ARMC8: variants seen among roughly 807,000 people sequenced by gnomAD.
ARMC8 encodes the protein armadillo repeat-containing protein 8.
A neutral mutation model predicts 99.3 loss-of-function variants in ARMC8; 20 were observed. That is an observed-to-expected ratio of 0.20 (90% CI 0.14 to 0.29). The LOEUF is 0.29. Ranked by LOEUF, ARMC8 falls within the 10% of genes least tolerant of loss-of-function variation. The pLI is 1.00. For synonymous variants in ARMC8, 263 were observed against 278.3 expected (o/e 0.95, Z 0.55); for missense variants, 569 against 809.5 (o/e 0.70, Z 3.60).
intron 21 of ARMC8, among the ~76,000 whole-genome samples, chr3:138,293,947 A>G (rs2051230251): frequency 6.6e-6 from 1 of 152,162 alleles, no homozygotes; most frequent in Non-Finnish European, 1.5e-5. Context: ...TAATAGAATC[A>G]AGGTCTGAGC....
At chr3:138,270,760 T>A (rs1050167353) in intron 16 of ARMC8, among the ~76,000 whole-genome samples, 1 of 152,186 alleles carries the variant, frequency 6.6e-6, no homozygotes, top group Non-Finnish European at 1.5e-5. Flanking sequence ...TTTTTAACAG[T>A]TTCTAGTAAA....
intron 2 of ARMC8, among the ~76,000 whole-genome samples, chr3:138,214,900 C>T (rs879716302): frequency 6.6e-6 from 1 of 152,162 alleles, no homozygotes; most frequent in Non-Finnish European, 1.5e-5. Flanking sequence ...CTCAAGTGAT[C>T]CTCCCACCTT....
chr3:138,279,493 TTGA>T (rs2049656456), intron 18 of ARMC8, among the ~76,000 whole-genome samples: 2 of 152,192 alleles, frequency 1.3e-5, no homozygotes. Context: ...ATGAGGGGTA[TTGA>T]TGAATAGTTT....
In ARMC8 at chr3:138,187,358, G is replaced by C; in HGVS notation, c.-197G>C. 1 of 558,858 alleles carries C rather than the reference G, an allele frequency of 1.8e-6. No homozygotes were observed. Among genetic ancestry groups the C allele is most frequent in the Middle Eastern group, 3.7e-4 (1 of 2,738 alleles). The allele number at this position is 558,858 out of a possible 1,614,324, so 34.6% of individuals were successfully genotyped here. ...GCTGTTTCTGAGAGAACGATTCGTA[G>C]GACAGCCCCTGACGCCATTCCCTTT... On this transcript the variant is annotated 5_prime_UTR_variant, in exon 1 of 22. Transcript: ENST00000469044.
At chr3:138,270,278 C>T (rs772650274) in intron 16 of ARMC8, 146 bp downstream of exon 16, 13 of 610,106 alleles carry the variant, frequency 2.1e-5, no homozygotes, top group Non-Finnish European at 3.6e-5. Context: ...ATGACTAGGA[C>T]CTAGAAGGCT....
At chr3:138,287,283 CCTT>C (rs780648549) in intron 19 of ARMC8, among the ~76,000 whole-genome samples, 1 of 152,178 alleles carries the variant, frequency 6.6e-6, no homozygotes, top group South Asian at 2.1e-4. Flanking sequence ...ACAGACAGCT[CCTT>C]CTTACTTCAG....
At position 138,221,990 on chromosome 3, in the gene ARMC8, G is replaced by T; in HGVS notation, c.187G>T (p.Val63Phe). 1 of 1,612,824 alleles carries T rather than the reference G, an allele frequency of 6.2e-7. No homozygotes were observed. The highest frequency in any genetic ancestry group is 8.5e-7 in the Non-Finnish European group (1 of 1,179,056). Reference sequence around the variant, plus strand: ...AGCCAATCTCATTGTTTTAGGAGCTGTTCCAAGGTATGTTTGCTGTCTCAC... The same window carrying T: ...AGCCAATCTCATTGTTTTAGGAGCTTTTCCAAGGTATGTTTGCTGTCTCAC... ...QKANLIVLGA[V>F]PRLLYLLQQE... The change falls in exon 3 of 22, where the codon GTT becomes TTT. Residue 63 changes from valine (V) to phenylalanine (F), a missense_variant. Coordinates refer to ENST00000469044, the MANE Select transcript of ARMC8 (RefSeq NM_001363941.2).
intron 5 of ARMC8, among the ~76,000 whole-genome samples, chr3:138,224,049 T>C (rs9822008): frequency 0.64 from 96,273 of 150,156 alleles, 31,292 homozygotes; most frequent in East Asian, 0.81. Context: ...ACCTTCACCC[T>C]GCCAGGTTTA....
In ARMC8 at chr3:138,239,499, C is replaced by T. The variant is rs1426021184; in HGVS notation, c.808C>T (p.Arg270Trp). 7.5e-6 allele frequency: 12 copies of T among 1,601,476 alleles called. No individual in the cohort carries two copies. Among genetic ancestry groups the T allele is most frequent in the East Asian group, 4.5e-5 (2 of 44,296 alleles). The change falls in exon 10 of 22, where the codon CGG (arginine) becomes TGG (tryptophan). Residue 270 changes from arginine (R) to tryptophan (W), a missense_variant. By Grantham distance (101) the Arg-to-Trp change is moderately radical. Transcript: ENST00000469044. ...LTYMCRAGAI[R>W]TDDNCIVLKT... ...TTACATGTGTAGAGCTGGAGCAATT[C>T]GGACAGATGATAACTGTATTGTATT... is the stretch of plus-strand genomic sequence containing the variant.
intron 6 of ARMC8, among the ~76,000 whole-genome samples, chr3:138,230,088 G>T (rs933292282): frequency 6.6e-6 from 1 of 152,156 alleles, no homozygotes; most frequent in Non-Finnish European, 1.5e-5. Flanking sequence ...TACTATTTAA[G>T]ATTTTTGTGA....
At chr3:138,199,949 T>C (rs1387811405) in intron 1 of ARMC8, among the ~76,000 whole-genome samples, 1 of 152,196 alleles carries the variant, frequency 6.6e-6, no homozygotes, top group Non-Finnish European at 1.5e-5. Flanking sequence ...TGGTTTCACA[T>C]TGTTTTAGGG....
chr3:138,253,457 A>G (rs1043544085), intron 12 of ARMC8, among the ~76,000 whole-genome samples: 2 of 152,188 alleles, frequency 1.3e-5, no homozygotes, highest in Non-Finnish European at 2.9e-5. Context: ...CTATGTTTTT[A>G]ACTATTACAT....
chr3:138,288,849 C>A (rs970050640), intron 19 of ARMC8, among the ~76,000 whole-genome samples, 199 bp from the exon 20 acceptor site: 2 of 151,892 alleles, frequency 1.3e-5, no homozygotes, highest in African/African-American at 4.8e-5. Flanking sequence ...TGTTAATCAT[C>A]CTAGTCTCGA....
chr3:138,201,015 C>T (rs575230859), intron 1 of ARMC8, among the ~76,000 whole-genome samples: 12 of 142,730 alleles, frequency 8.4e-5, no homozygotes, highest in African/African-American at 2.9e-4. Context: ...TGGGTTCAAA[C>T]GATTCTCCTG....
intron 15 of ARMC8, among the ~76,000 whole-genome samples, chr3:138,268,023 A>G (rs2048437407): frequency 6.6e-6 from 1 of 152,170 alleles, no homozygotes; most frequent in African/African-American, 2.4e-5. Flanking sequence ...CAGGCAGAAC[A>G]CTTGAGGTCA....
chr3:138,205,258 C>G (rs975428001), intron 1 of ARMC8, among the ~76,000 whole-genome samples: 1 of 151,194 alleles, frequency 6.6e-6, no homozygotes, highest in African/African-American at 2.4e-5. Context: ...ACCATCTTGG[C>G]CAGGCTGGTC....
intron 5 of ARMC8, among the ~76,000 whole-genome samples, chr3:138,227,681 CTTT>C (rs1299795680): frequency 2.0e-5 from 3 of 152,094 alleles, no homozygotes; most frequent in Non-Finnish European, 1.5e-5. Context: ...CAAGGGTGTT[CTTT>C]TAAGTTTTTT....
chr3:138,228,896 T>C, intron 5 of ARMC8, 22 bp from the exon 6 acceptor site: 1 of 1,517,738 alleles, frequency 6.6e-7, no homozygotes, highest in East Asian at 2.3e-5. Context: ...GAGTTTCTTG[T>C]TGCTGTGTTC....
At chr3:138,288,339 G>A (rs113748513) in intron 19 of ARMC8, among the ~76,000 whole-genome samples, 4 of 152,332 alleles carry the variant, frequency 2.6e-5, no homozygotes, top group African/African-American at 9.6e-5. Flanking sequence ...TATGTTGGCT[G>A]TTGGTGACCT....
Sources: gnomAD v4.1 joint callset for allele counts (sites outside exome capture counted in the v4.1 genomes callset) on GRCh38, gnomAD v4.1.1 for gene constraint, MANE v1.5 for transcripts, NCBI Gene and HGNC (gene_info 2026-07-23, HGNC 2026-07-21) for gene names.